The following NUP214 variants were observed in gnomAD, a reference collection of about 807,000 sequenced individuals.
The protein encoded by NUP214 is nuclear pore complex protein Nup214.
NUP214 carries 79 observed loss-of-function variants against 196.2 expected under a neutral mutation model. The observed-to-expected ratio is 0.40, with a 90% CI of 0.34 to 0.49. NUP214 has a LOEUF of 0.49. Among genes scored for constraint, NUP214 ranks in the 20% least tolerant of loss-of-function variants. NUP214 has a pLI of 0.58. For missense variants in NUP214, 2,468 were observed against 2,539.0 expected (o/e 0.97, Z 0.60); for synonymous variants, 1,020 against 990.5 (o/e 1.03, Z -0.56).
In NUP214 at chr9:131,229,979, C is replaced by T. The variant is rs115966891; in HGVS notation, c.6075-651C>T. On this transcript the variant is annotated intron_variant, in intron 33 of 35. Coordinates refer to ENST00000359428, the MANE Select transcript of NUP214 (RefSeq NM_005085.4). ...CCCCAGAAGCTCTCCCCAACCCAGC[C>T]GAGTTCCTCTGCAAACAATTCAAGG... 3.4e-3 allele frequency: 1,138 copies of T among 338,618 alleles called. 15 individuals carry two copies. Among genetic ancestry groups the T allele is most frequent in the African/African-American group, 0.023 (1,061 of 45,234 alleles). 21.0% of individuals were successfully genotyped at this position (338,618 alleles called of 1,614,324 possible).
intron 17 of NUP214, among the ~76,000 whole-genome samples, chr9:131,155,142 A>C (rs1400015098): frequency 6.6e-6 from 1 of 152,200 alleles, no homozygotes; most frequent in Non-Finnish European, 1.5e-5. Flanking sequence ...CACCACATCC[A>C]CACCAACATC....
chr9:131,217,013 T>G (rs147252739), intron 31 of NUP214, among the ~76,000 whole-genome samples: 52 of 152,276 alleles, frequency 3.4e-4, no homozygotes, highest in African/African-American at 1.2e-3. Flanking sequence ...CTGTGTGAGA[T>G]CTCCATGAAT....
At position 131,144,768 on chromosome 9, in the gene NUP214, A is replaced by T. The variant is rs754797981; in HGVS notation, c.1769+14A>T. On this transcript the variant is annotated intron_variant, in intron 12 of 35. Coordinates refer to ENST00000359428, the MANE Select transcript of NUP214 (RefSeq NM_005085.4). ...CCTTAGTGAAAAGTAAGTCACTTCT[A>T]AAGTTTGATTCTTCTGTGAGTTGGG... 2.6e-6 allele frequency: 4 copies of T among 1,544,668 alleles called. No homozygotes were observed. In the Admixed American group the frequency reaches 7.5e-5, roughly 29 times the overall value.
intron 17 of NUP214, among the ~76,000 whole-genome samples, chr9:131,154,773 G>C (rs1832382084): frequency 1.3e-5 from 2 of 152,218 alleles, no homozygotes; most frequent in Non-Finnish European, 2.9e-5. Flanking sequence ...GCTCCATCTA[G>C]GTTGCTGCAA....
At chr9:131,231,191 A>G (rs1377969793) in intron 34 of NUP214, among the ~76,000 whole-genome samples, 2 of 147,880 alleles carry the variant, frequency 1.4e-5, no homozygotes, top group African/African-American at 5.2e-5. Flanking sequence ...GTTGAAACAT[A>G]TATATATATA....
Position 131,198,498 on chromosome 9 carries a change from C to T in NUP214, c.5004C>T (p.Pro1668=), listed in dbSNP as rs1833856617. ...TCACCAACAACACAGCCACTGCCCC[C>T]TCTGCCACGCCCGTGTTTGGGCAAG... ...NQLTNNTATA[P]SATPVFGQVA... is the part of the protein sequence containing the mutation. The change falls in exon 29 of 36, where the codon CCC becomes CCT. Residue 1668 remains proline (P), a synonymous_variant. Coordinates refer to ENST00000359428, the MANE Select transcript of NUP214 (RefSeq NM_005085.4). 1.2e-6 allele frequency: 2 copies of T among 1,614,148 alleles called. No homozygotes were observed. Among genetic ancestry groups the T allele is most frequent in the Admixed American group, 3.3e-5 (2 of 60,016 alleles).
chr9:131,140,397 G>A, intron 10 of NUP214, 152 bp from the exon 11 acceptor site: 1 of 615,350 alleles, frequency 1.6e-6, no homozygotes, highest in Non-Finnish European at 2.7e-6. Flanking sequence ...GTGCACGAAA[G>A]GCTGTTCAGA....
At chr9:131,136,426 G>A (rs1274092055) in intron 9 of NUP214, 1 of 158,336 alleles carries the variant, frequency 6.3e-6, no homozygotes, top group Admixed American at 6.1e-5. Flanking sequence ...GAGAAACACG[G>A]GTGTCAGACT....
rs560971101 is a variant in NUP214, at chr9:131,183,725, A to C, written c.3420-3564A>C. ...TAGTAATGACCAGAAACTTAAAAGGAACTTTAATCCTTTTGTTTTTCTAAT... is the reference window on the plus strand; with the variant it reads ...TAGTAATGACCAGAAACTTAAAAGGCACTTTAATCCTTTTGTTTTTCTAAT... On this transcript the variant is annotated intron_variant, in intron 24 of 35. Transcript: ENST00000359428. Among the ~76,000 whole-genome samples, 36 of 152,312 alleles carry C rather than the reference A, an allele frequency of 2.4e-4. No homozygotes were observed. The East Asian group carries it at 4.2e-3, about 18-fold the overall frequency.
intron 22 of NUP214, among the ~76,000 whole-genome samples, chr9:131,175,220 A>G (rs1281960496): frequency 2.6e-5 from 4 of 152,236 alleles, no homozygotes; most frequent in Non-Finnish European, 1.5e-5. Context: ...ATGTTGGTAT[A>G]AAAGTTGTAT....
chr9:131,132,616 CA>C lies in NUP214; in HGVS notation c.685del (p.Ile229PhefsTer28). On this transcript the variant is annotated frameshift_variant, in exon 6 of 36. Transcript: ENST00000359428. LOFTEE classifies it high-confidence loss of function. ...YLPTLQEKKV[I>X]PCPPFYESDH... is the part of the protein sequence containing the mutation. Reference sequence around the variant, plus strand: ...TTCAGACTTTGCAGGAAAAAAAAGTCATTCCTTGTCCTCCGTTTTATGAGTC... The same window carrying C: ...TTCAGACTTTGCAGGAAAAAAAAGTCTTCCTTGTCCTCCGTTTTATGAGTC... The C allele has an allele frequency of 6.2e-7, 1 of 1,614,090 alleles. No individual in the cohort carries two copies. The highest frequency in any genetic ancestry group is 8.5e-7 in the Non-Finnish European group (1 of 1,179,968).
At chr9:131,199,496 A>G (rs571260096) in intron 29 of NUP214, among the ~76,000 whole-genome samples, 1 of 152,290 alleles carries the variant, frequency 6.6e-6, no homozygotes, top group South Asian at 2.1e-4. Context: ...CTCCTCTGAC[A>G]CCATCTTTCT....
rs374178920 is a variant in NUP214, at chr9:131,174,446, TC to T, written c.3157+129del. On this transcript the variant is annotated intron_variant, in intron 22 of 35. Transcript: ENST00000359428. ...GCTCCAGCCCACTTTTTTTTTTTTTTCTTTTTTTCTTTTTTTTTTTGAGGTG... is the reference window on the plus strand; with the variant it reads ...GCTCCAGCCCACTTTTTTTTTTTTTTTTTTTTTCTTTTTTTTTTTGAGGTG... 5.4e-4 allele frequency: 242 copies of T among 451,588 alleles called. 8 individuals carry two copies. The highest frequency in any genetic ancestry group is 2.9e-3 in the African/African-American group (67 of 23,108). The allele number at this position is 451,588 out of a possible 1,614,324, so 28.0% of individuals were successfully genotyped here.
chr9:131,232,755 A>C lies in NUP214; in HGVS notation c.6239+447A>C. The C allele has an allele frequency of 4.9e-6, 1 of 202,036 alleles. No homozygotes were observed. The highest frequency in any genetic ancestry group is 1.3e-4 in the East Asian group (1 of 7,522). 12.5% of individuals were successfully genotyped at this position (202,036 alleles called of 1,614,324 possible). On this transcript the variant is annotated intron_variant, in intron 35 of 35. Transcript: ENST00000359428. This position sits in a 1 kb window ranked among gnomAD's most constrained non-coding sequence, Gnocchi z 5.1. Reference sequence around the variant, plus strand: ...GCCAGGTGGGTGGTTCACGCCTATAATCCCAGCACTTTGGGAGGCTGAGGT... The same window carrying C: ...GCCAGGTGGGTGGTTCACGCCTATACTCCCAGCACTTTGGGAGGCTGAGGT...
rs578226780 is a variant in NUP214, at chr9:131,151,841, C to T, written c.2383C>T (p.Leu795=). 2.5e-6 allele frequency: 4 copies of T among 1,613,460 alleles called. No individual in the cohort carries two copies. The highest frequency in any genetic ancestry group is 2.7e-5 in the African/African-American group (2 of 75,012). The change falls in exon 17 of 36, where the codon CTG becomes TTG. Residue 795 remains leucine, a synonymous_variant. Transcript: ENST00000359428. The part of the protein sequence containing the change: ...QNERNRDSGY[L]HLLYKRPLDP... ...TGAAAGAAATCGTGACTCTGGTTAT[C>T]TGCATTTGCTTTATAAAAGACCACT...
intron 14 of NUP214, among the ~76,000 whole-genome samples, chr9:131,149,623 T>A: frequency 6.6e-6 from 1 of 152,058 alleles, no homozygotes; most frequent in Non-Finnish European, 1.5e-5. Context: ...TCGACTACTC[T>A]CTCTGCTATC....
At chr9:131,215,182 A>G (rs376791300) in intron 30 of NUP214, 30 bp from the exon 31 acceptor site, 93 of 1,481,130 alleles carry the variant, frequency 6.3e-5, no homozygotes, top group Middle Eastern at 3.8e-4. Flanking sequence ...CTCTCATCCT[A>G]TCTTGCTTCC....
intron 28 of NUP214, among the ~76,000 whole-genome samples, chr9:131,195,900 C>T (rs1411085670): frequency 6.6e-6 from 1 of 151,998 alleles, no homozygotes; most frequent in African/African-American, 2.4e-5. Context: ...TGGCGCATAC[C>T]TATAATCCCA....
In NUP214 at chr9:131,198,046, C is replaced by T; in HGVS notation, c.4552C>T (p.Leu1518=). 6.2e-7 allele frequency: 1 copy of T among 1,614,208 alleles called. No homozygotes were observed. Among genetic ancestry groups the T allele is most frequent in the South Asian group, 1.1e-5 (1 of 91,086 alleles). The change falls in exon 29 of 36, where the codon CTA becomes TTA. Residue 1518 remains leucine (L), a synonymous_variant. Coordinates refer to ENST00000359428, the MANE Select transcript of NUP214 (RefSeq NM_005085.4). ...SEVSASAASL[L]EEQQSAQLPQ... is the part of the protein sequence containing the mutation. ...GGTCTCAGCATCAGCAGCCTCACTT[C>T]TAGAGGAGCAACAGTCAGCCCAGCT... is the stretch of plus-strand genomic sequence containing the variant.
Sources: allele counts gnomAD v4.1 joint callset (sites outside exome capture counted in the v4.1 genomes callset), GRCh38; gene constraint gnomAD v4.1.1; non-coding constraint Gnocchi (gnomAD v3.1); transcripts MANE v1.5; gene names NCBI Gene and HGNC (gene_info 2026-07-23, HGNC 2026-07-21).